The following SLC47A2 variants were observed in gnomAD, a reference collection of about 807,000 sequenced individuals.
The protein encoded by SLC47A2 is solute carrier family 47 member 2.
In SLC47A2, 52 loss-of-function variants were observed where a neutral mutation model predicts 67.7. The ratio of observed to expected loss-of-function variants is 0.77; its 90% CI spans 0.61 to 0.97. The LOEUF is 0.97. Among genes scored for constraint, SLC47A2 ranks in the 50% least tolerant of loss-of-function variants. The probability of loss-of-function intolerance (pLI) is 0.00; values close to 1 mark genes in which losing one functional copy is unlikely to be tolerated. For synonymous variants in SLC47A2, 278 were observed against 292.9 expected (o/e 0.95, Z 0.52); for missense variants, 676 against 712.3 (o/e 0.95, Z 0.58).
At position 19,685,224 on chromosome 17, in the gene SLC47A2, C is replaced by T. The variant is rs1438696945; in HGVS notation, c.1165-3554G>A. Among the ~76,000 whole-genome samples, 1 of 152,158 alleles carries T rather than the reference C, an allele frequency of 6.6e-6. No individual in the cohort carries two copies. Among genetic ancestry groups the T allele is most frequent in the African/African-American group, 2.4e-5 (1 of 41,446 alleles). ...TCCATCTCCCAGCTGCCTGCCTTGG[C>T]CTCCCAAAGTGCTAAGATTACAGCC... On this transcript the variant is annotated intron_variant, in intron 13 of 16. Coordinates refer to ENST00000433844, the MANE Select transcript of SLC47A2 (RefSeq NM_001099646.3). The surrounding 1 kb of genome is among the most constrained non-coding windows in gnomAD (Gnocchi z 4.5).
intron 10 of SLC47A2, 78 bp downstream of exon 10, chr17:19,705,358 G>A: frequency 1.4e-6 from 2 of 1,459,832 alleles, no homozygotes; most frequent in Non-Finnish European, 1.9e-6. Context: ...AGCTTCAGGT[G>A]ACAGCCTGCC....
chr17:19,681,328 G>GCAGGGTGTCTTGTGGC (rs2085309209), intron 15 of SLC47A2, 39 bp downstream of exon 15: 1 of 1,526,040 alleles, frequency 6.6e-7, no homozygotes, highest in African/African-American at 1.4e-5. Flanking sequence ...GGGGTCAGGT[G>GCAGGGTGTCTTGTGGC]CAGGGTGTCT....
chr17:19,680,105 C>T, intron 15 of SLC47A2, 66 bp from the exon 16 acceptor site: 1 of 1,469,934 alleles, frequency 6.8e-7, no homozygotes, highest in South Asian at 1.2e-5. Flanking sequence ...CACTGCTAGC[C>T]TCGCATTCTC....
intron 13 of SLC47A2, among the ~76,000 whole-genome samples, chr17:19,695,032 T>C (rs1206300395): frequency 6.6e-6 from 1 of 151,874 alleles, no homozygotes; most frequent in Admixed American, 6.6e-5. Flanking sequence ...AGTTCTTATA[T>C]ATAAAATAGC....
At chr17:19,711,777 T>C (rs1472268065) in intron 5 of SLC47A2, among the ~76,000 whole-genome samples, 3 of 151,990 alleles carry the variant, frequency 2.0e-5, no homozygotes, top group African/African-American at 7.3e-5. Context: ...CTTCCAGTAA[T>C]GCATTTCTGT....
intron 13 of SLC47A2, among the ~76,000 whole-genome samples, chr17:19,686,211 A>G (rs150794800): frequency 0.023 from 3,467 of 152,230 alleles, 70 homozygotes; most frequent in African/African-American, 0.052. Context: ...GCAGTGAGCC[A>G]AGATCACACC....
At chr17:19,704,822 CTTTTTTT>C in intron 10 of SLC47A2, 31 of 273,248 alleles carry the variant, frequency 1.1e-4, no homozygotes, top group Admixed American at 2.6e-4. Context: ...ATGGAATGTG[CTTTTTTT>C]TTTTTTTTTT....
intron 13 of SLC47A2, among the ~76,000 whole-genome samples, chr17:19,701,125 A>G (rs896230075): frequency 3.2e-4 from 48 of 147,980 alleles, no homozygotes; most frequent in African/African-American, 1.1e-3. Context: ...CCAAGATCAC[A>G]CCACTGCACT....
At chr17:19,696,061 T>C (rs1374957712) in intron 13 of SLC47A2, among the ~76,000 whole-genome samples, 1 of 90,218 alleles carries the variant, frequency 1.1e-5, no homozygotes, top group African/African-American at 3.4e-5. Flanking sequence ...TACCTGTGAA[T>C]GTTACCTTAT....
chr17:19,706,924 G>T (rs1329570968), intron 8 of SLC47A2, among the ~76,000 whole-genome samples, 163 bp from the exon 9 acceptor site: 1 of 152,210 alleles, frequency 6.6e-6, no homozygotes, highest in African/African-American at 2.4e-5. Flanking sequence ...CTGGTCTAGA[G>T]CTGGTGTTGG....
chr17:19,708,531 G>A (rs1269003435), intron 6 of SLC47A2, 132 bp from the exon 7 acceptor site: 1 of 1,612,804 alleles, frequency 6.2e-7, no homozygotes, highest in East Asian at 2.2e-5. Context: ...GGAAGAGGCT[G>A]GGACGCACAG....
chr17:19,707,863 A>C lies in SLC47A2; in HGVS notation c.630-20T>G. 1 of 1,567,114 alleles carries C rather than the reference A, an allele frequency of 6.4e-7. No individual in the cohort carries two copies. Among genetic ancestry groups the C allele is most frequent in the Non-Finnish European group, 8.6e-7 (1 of 1,156,100 alleles). On this transcript the variant is annotated intron_variant, in intron 7 of 16. Coordinates refer to ENST00000433844, the MANE Select transcript of SLC47A2 (RefSeq NM_001099646.3). ...GAGCCCCTGGGTAAGGAGGGAGAAC[A>C]GGGCTGCGACTGATGCCAACTCTCT...
intron 13 of SLC47A2, among the ~76,000 whole-genome samples, chr17:19,695,428 G>C (rs2085637030): frequency 6.9e-6 from 1 of 143,952 alleles, no homozygotes; most frequent in African/African-American, 2.6e-5. Flanking sequence ...TCTGTAGTGA[G>C]CTATGATGGT....
chr17:19,686,765 G>T (rs533606206), intron 13 of SLC47A2, among the ~76,000 whole-genome samples: 1 of 152,112 alleles, frequency 6.6e-6, no homozygotes, highest in Admixed American at 6.6e-5. Context: ...AAATATATAT[G>T]TACCCAACAC....
At chr17:19,697,629 C>G (rs777659016) in intron 13 of SLC47A2, among the ~76,000 whole-genome samples, 3 of 152,148 alleles carry the variant, frequency 2.0e-5, no homozygotes, top group African/African-American at 7.2e-5. Flanking sequence ...GCTCTGTCAC[C>G]CAGCCCAGAG....
chr17:19,686,266 T>A (rs1435834176), intron 13 of SLC47A2, among the ~76,000 whole-genome samples: 1 of 152,000 alleles, frequency 6.6e-6, no homozygotes, highest in Admixed American at 6.6e-5. Flanking sequence ...CTGTCTCAAA[T>A]AAATAAATAA....
chr17:19,714,810 A>C, intron 2 of SLC47A2, 21 bp from the exon 3 acceptor site: 4 of 1,613,944 alleles, frequency 2.5e-6, no homozygotes, highest in Non-Finnish European at 3.4e-6. Flanking sequence ...ACACAGGAGG[A>C]AACAAGAGCT....
rs2086174375 is a variant in SLC47A2, at chr17:19,713,901, A to G, written c.367T>C (p.Cys123Arg). ...QRGALVLLLC[C>R]LPCWALFLNT... ...AGGAAGAGCGCCCAGCAAGGGAGGC[A>G]GCAGAGGAGCAGGACCAGCGCGCCC... The change falls in exon 4 of 17, where the codon TGC (cysteine) becomes CGC (arginine). Residue 123 changes from cysteine (C) to arginine (R), a missense_variant. Cys to Arg is a radical substitution (Grantham distance 180, BLOSUM62 -3). Coordinates refer to ENST00000433844, the MANE Select transcript of SLC47A2 (RefSeq NM_001099646.3). The G allele has an allele frequency of 1.2e-6, 2 of 1,613,680 alleles. No homozygotes were observed. The highest frequency in any genetic ancestry group is 1.7e-6 in the Non-Finnish European group (2 of 1,179,910).
intron 13 of SLC47A2, among the ~76,000 whole-genome samples, chr17:19,687,322 A>G (rs1317287191): frequency 6.6e-6 from 1 of 152,198 alleles, no homozygotes; most frequent in East Asian, 1.9e-4. Flanking sequence ...ATAAACACCT[A>G]CGTCAAAAAG....
Sources: gnomAD v4.1 joint callset for allele counts (sites outside exome capture counted in the v4.1 genomes callset) on GRCh38, gnomAD v4.1.1 for gene constraint, Gnocchi (gnomAD v3.1) non-coding constraint, MANE v1.5 for transcripts, NCBI Gene and HGNC (gene_info 2026-07-23, HGNC 2026-07-21) for gene names.